BNC2: variants seen among roughly 807,000 people sequenced by gnomAD.
BNC2 encodes the protein zinc finger protein basonuclin-2.
A neutral mutation model predicts 76.3 loss-of-function variants in BNC2; 20 were observed. The ratio of observed to expected loss-of-function variants is 0.26; its 90% confidence interval spans 0.18 to 0.38. The LOEUF (loss-of-function observed/expected upper bound fraction) is 0.38. Ranked by LOEUF, BNC2 falls within the 10% of genes least tolerant of loss-of-function variation. BNC2 has a pLI of 1.00. For missense variants in BNC2, 1,382 were observed against 1,399.8 expected (o/e 0.99, Z 0.20); for synonymous variants, 582 against 514.8 (o/e 1.13, Z -1.77).
At chr9:16,820,261 A>T (rs1030164147) in intron 1 of BNC2, among the ~76,000 whole-genome samples, 2 of 151,274 alleles carry the variant, frequency 1.3e-5, no homozygotes, top group African/African-American at 4.9e-5. Context: ...CCCCGTCTCT[A>T]CCAAATATAC....
At chr9:16,604,102 C>T (rs991582668) in intron 3 of BNC2, among the ~76,000 whole-genome samples, 2 of 152,136 alleles carry the variant, frequency 1.3e-5, no homozygotes, top group Non-Finnish European at 2.9e-5. Flanking sequence ...GTTCAATTCT[C>T]TTCGTATTGT....
intron 1 of BNC2, among the ~76,000 whole-genome samples, chr9:16,751,652 A>ATATATATGTATATATATGTGTG (rs775227367): frequency 0.68 from 58,582 of 86,304 alleles, 20,124 homozygotes; most frequent in Non-Finnish European, 0.78. Flanking sequence ...GTATGTGTGT[A>ATATATATGTATATATATGTGTG]TATATATATG....
At chr9:16,580,844 T>G (rs1214808113) in intron 4 of BNC2, among the ~76,000 whole-genome samples, 3 of 152,334 alleles carry the variant, frequency 2.0e-5, no homozygotes, top group South Asian at 2.1e-4. Flanking sequence ...ATATTTTCTC[T>G]TTAATTTTCA....
chr9:16,772,143 A>G (rs965457041), intron 1 of BNC2, among the ~76,000 whole-genome samples: 1 of 152,186 alleles, frequency 6.6e-6, no homozygotes, highest in Non-Finnish European at 1.5e-5. Flanking sequence ...GACACAATAC[A>G]AAGTACAATG....
intron 1 of BNC2, among the ~76,000 whole-genome samples, chr9:16,833,354 A>C (rs1340494815): frequency 6.6e-6 from 1 of 152,202 alleles, no homozygotes; most frequent in Non-Finnish European, 1.5e-5. Flanking sequence ...TCAAAAAGTA[A>C]AGACCCACTT....
intron 3 of BNC2, among the ~76,000 whole-genome samples, chr9:16,583,372 TACG>T (rs1819681842): frequency 6.6e-6 from 1 of 152,204 alleles, no homozygotes. Context: ...ATACCGGATT[TACG>T]ACATCACAAA....
At chr9:16,617,720 C>T (rs1202860451) in intron 3 of BNC2, among the ~76,000 whole-genome samples, 2 of 152,208 alleles carry the variant, frequency 1.3e-5, no homozygotes, top group South Asian at 2.1e-4. Context: ...TATTTTACTA[C>T]ATAAACATGT....
At chr9:16,697,267 A>T (rs1823365695) in intron 3 of BNC2, among the ~76,000 whole-genome samples, 1 of 152,146 alleles carries the variant, frequency 6.6e-6, no homozygotes. Context: ...CTGAGGCAGG[A>T]GAATCGCTTG....
At chr9:16,483,767 C>T (rs1822106644) in intron 5 of BNC2, among the ~76,000 whole-genome samples, 1 of 152,234 alleles carries the variant, frequency 6.6e-6, no homozygotes, top group African/African-American at 2.4e-5. Context: ...GCAAGCTGCC[C>T]TTGTATAAGA....
intron 6 of BNC2, chr9:16,430,061 TGAG>T: frequency 2.1e-6 from 1 of 470,124 alleles, no homozygotes; most frequent in Non-Finnish European, 4.3e-6. Context: ...AAGTTTTGCT[TGAG>T]GAGGGCACAA....
chr9:16,599,782 C>CA (rs964890262), intron 3 of BNC2, among the ~76,000 whole-genome samples: 4 of 151,542 alleles, frequency 2.6e-5, no homozygotes, highest in South Asian at 2.1e-4. Flanking sequence ...GTCTCCATGT[C>CA]AAAAAAAAGT....
intron 3 of BNC2, among the ~76,000 whole-genome samples, chr9:16,655,304 C>T (rs1255200859): frequency 1.3e-5 from 2 of 151,944 alleles, no homozygotes; most frequent in Non-Finnish European, 2.9e-5. Flanking sequence ...TGAATAAAAG[C>T]AAATATGGGG....
intron 6 of BNC2, chr9:16,434,769 T>G: frequency 2.2e-6 from 1 of 452,636 alleles, no homozygotes; most frequent in South Asian, 1.6e-5. Flanking sequence ...TGATGTCATC[T>G]GAAGGCTGGA....
At chr9:16,684,748 C>T (rs761065945) in intron 3 of BNC2, among the ~76,000 whole-genome samples, 1 of 152,022 alleles carries the variant, frequency 6.6e-6, no homozygotes, top group Non-Finnish European at 1.5e-5. Context: ...TGCATTGGCA[C>T]ACACATTCCT....
chr9:16,513,413 T>G (rs1336474459), intron 5 of BNC2, among the ~76,000 whole-genome samples: 9 of 150,310 alleles, frequency 6.0e-5, no homozygotes, highest in Non-Finnish European at 1.2e-4. Flanking sequence ...TTCACACCAT[T>G]CTCCTGCCTC....
intron 1 of BNC2, among the ~76,000 whole-genome samples, chr9:16,741,896 T>C (rs1824860989): frequency 7.4e-6 from 1 of 134,844 alleles, no homozygotes; most frequent in East Asian, 2.2e-4. Context: ...AGGTGGAGGT[T>C]GCAGTGAGCT....
chr9:16,558,068 G>C (rs953500193), intron 4 of BNC2, among the ~76,000 whole-genome samples: 1 of 152,036 alleles, frequency 6.6e-6, no homozygotes, highest in Non-Finnish European at 1.5e-5. Context: ...GCCTGGTCTC[G>C]AACTTCTGGG....
intron 1 of BNC2, among the ~76,000 whole-genome samples, chr9:16,817,603 A>G (rs1818216533): frequency 6.6e-6 from 1 of 152,214 alleles, no homozygotes; most frequent in South Asian, 2.1e-4. Context: ...TGATGAAAGC[A>G]TCTGGCACAC....
At chr9:16,848,636 A>C (rs1050428814) in intron 1 of BNC2, among the ~76,000 whole-genome samples, 4 of 152,200 alleles carry the variant, frequency 2.6e-5, no homozygotes, top group African/African-American at 9.7e-5. Flanking sequence ...TTCATAAAAC[A>C]ATGTAGGAAA....
Sources: allele counts gnomAD v4.1 joint callset (sites outside exome capture counted in the v4.1 genomes callset), GRCh38; gene constraint gnomAD v4.1.1; transcripts MANE v1.5; gene names NCBI Gene and HGNC (gene_info 2026-07-23, HGNC 2026-07-21).